Variants in SLURP2 observed in about 807,000 individuals in gnomAD.
SLURP2 encodes the protein secreted Ly-6/uPAR domain-containing protein 2.
A neutral mutation model predicts 9.8 loss-of-function variants in SLURP2; 4 were observed. The observed-to-expected ratio is 0.41, with a 90% CI of 0.20 to 0.94. SLURP2 has a LOEUF of 0.94. SLURP2 is among the 40% of genes least tolerant of loss of function. The pLI is 0.32. For missense variants in SLURP2, 118 were observed against 126.4 expected (o/e 0.93, Z 0.32); for synonymous variants, 58 against 56.2 (o/e 1.03, Z -0.15).
rs773017189 is a variant in SLURP2 at position 142,764,660 on chromosome 8, A to T, written c.239T>A (p.Leu80Gln). Reference protein sequence around the residue: ...IGCPDIPSLGLGPYVSIACCQ... With the variant: ...IGCPDIPSLGQGPYVSIACCQ... ...GCAAGCGATGGATACGTAGGGGCCC[A>T]GGCCCAGGCTGGGGATATCGGGGCA... is the stretch of plus-strand genomic sequence containing the variant. The change falls in exon 3 of 3, where the codon CTG (leucine) becomes CAG (glutamine). Residue 80 changes from leucine to glutamine, a missense_variant. Coordinates refer to ENST00000317543, the MANE Select transcript of SLURP2 (RefSeq NM_177458.3). The T allele has an allele frequency of 4.3e-6, 7 of 1,610,892 alleles. No homozygotes were observed. The highest frequency in any genetic ancestry group is 3.4e-6 in the Non-Finnish European group (4 of 1,179,052).
Position 142,768,868 on chromosome 8 carries a change from G to T in SLURP2, c.52+887C>A, listed in dbSNP as rs1034057261. Among the ~76,000 whole-genome samples, 1 of 152,112 alleles carries T rather than the reference G, an allele frequency of 6.6e-6. No individual in the cohort carries two copies. The highest frequency in any genetic ancestry group is 1.5e-5 in the Non-Finnish European group (1 of 68,004). ...GAGCCAGCGCCAGGGACTCACCGAC[G>T]CTCCACCCCCTGCTCATTCAGGGCC... On this transcript the variant is annotated intron_variant, in intron 1 of 2. Transcript: ENST00000317543. This position sits in a 1 kb window ranked among gnomAD's most constrained non-coding sequence, Gnocchi z 4.8.
chr8:142,764,938 CTTACTGGGTGCCTGGAT>C, intron 2 of SLURP2, 81 bp downstream of exon 2: 1 of 1,204,694 alleles, frequency 8.3e-7, no homozygotes. Flanking sequence ...ATGCTTCTGA[CTTACTGGGTGCCTGGAT>C]CTGGCTCTGT....
In SLURP2 at chr8:142,764,618, C is replaced by T; in HGVS notation, c.281G>A (p.Cys94Tyr). 2.5e-6 allele frequency: 4 copies of T among 1,605,842 alleles called. No individual in the cohort carries two copies. The South Asian group carries it at 4.4e-5, about 18-fold the overall frequency. Residue 94 changes from cysteine (C) to tyrosine (Y), a missense_variant, in exon 3 of 3, where the codon TGC (cysteine) becomes TAC (tyrosine). Physicochemically the swap from Cys to Tyr is radical, Grantham distance 194. Coordinates refer to ENST00000317543, the MANE Select transcript of SLURP2 (RefSeq NM_177458.3). ...VSIACCQTSL[C>Y]NHD is the part of the protein sequence containing the mutation. ...GGAGGGCAGCCGTCAGTCATGGTTG[C>T]AGAGGCTGGTCTGGCAGCAAGCGAT... is the stretch of plus-strand genomic sequence containing the variant.
chr8:142,764,531 C>T lies in SLURP2; in HGVS notation c.*74G>A, dbSNP rs587605463. The T allele has an allele frequency of 1.1e-4, 165 of 1,480,714 alleles. 4 individuals are homozygous for T. The highest frequency in any genetic ancestry group is 9.1e-5 in the Non-Finnish European group (98 of 1,081,706). The allele number at this position is 1,480,714 out of a possible 1,614,324, so 91.7% of individuals were successfully genotyped here. ...GGGCTGGCCAGTCTCGAGGGAGGGG[C>T]AGCTGTGAGCCCTGGCGCCAGGCTG... On this transcript the variant is annotated 3_prime_UTR_variant, in exon 3 of 3. Transcript: ENST00000317543.
At chr8:142,765,477 G>A (rs56033951) in intron 1 of SLURP2, among the ~76,000 whole-genome samples, 1 of 73,140 alleles carries the variant, frequency 1.4e-5, no homozygotes, top group African/African-American at 4.6e-5. Context: ...GTGGGGGGTG[G>A]GGAGGAGGTG....
At chr8:142,767,904 GAAT>G (rs1815053196) in intron 1 of SLURP2, among the ~76,000 whole-genome samples, 1 of 72,314 alleles carries the variant, frequency 1.4e-5, no homozygotes, top group African/African-American at 4.5e-5. Context: ...ATGAATAAAT[GAAT>G]GAATGAATGA....
At chr8:142,765,422 C>T (rs1814971178) in intron 1 of SLURP2, among the ~76,000 whole-genome samples, 1 of 151,308 alleles carries the variant, frequency 6.6e-6, no homozygotes, top group Non-Finnish European at 1.5e-5. Context: ...TGTGATGTCC[C>T]AGGGCAGTGG....
chr8:142,764,412 C>G lies in SLURP2; in HGVS notation c.*193G>C, dbSNP rs587670875. On this transcript the variant is annotated 3_prime_UTR_variant, in exon 3 of 3. Coordinates refer to ENST00000317543, the MANE Select transcript of SLURP2 (RefSeq NM_177458.3). ...AAGGGGCGGCAGGCACGATGGGCCCCAGGCTTGGACGGCAGCAGATTGAGG... is the reference window on the plus strand; with the variant it reads ...AAGGGGCGGCAGGCACGATGGGCCCGAGGCTTGGACGGCAGCAGATTGAGG... 23 of 699,938 alleles carry G rather than the reference C, an allele frequency of 3.3e-5. 1 individual carries two copies. In the Admixed American group the frequency reaches 5.3e-4, roughly 16 times the overall value. The allele number at this position is 699,938 out of a possible 1,614,324, so 43.4% of individuals were successfully genotyped here.
intron 2 of SLURP2, 83 bp downstream of exon 2, chr8:142,764,953 G>T: frequency 7.8e-7 from 1 of 1,280,222 alleles, no homozygotes; most frequent in Non-Finnish European, 1.1e-6. Context: ...TGGGTGCCTG[G>T]ATCTGGCTCT....
At chr8:142,769,176 G>A (rs1815093563) in intron 1 of SLURP2, among the ~76,000 whole-genome samples, 2 of 151,618 alleles carry the variant, frequency 1.3e-5, no homozygotes. Flanking sequence ...TGAAGCTGGG[G>A]GGACAGGGCC....
rs587715220 is a variant in SLURP2, at chr8:142,764,402, C to T, written c.*203G>A. ...TCGGGACCTGAAGGGGCGGCAGGCA[C>T]GATGGGCCCCAGGCTTGGACGGCAG... On this transcript the variant is annotated 3_prime_UTR_variant, in exon 3 of 3. Transcript: ENST00000317543. 15 of 680,428 alleles carry T rather than the reference C, an allele frequency of 2.2e-5. No homozygotes were observed. Among genetic ancestry groups the T allele is most frequent in the East Asian group, 5.4e-5 (2 of 36,806 alleles). 42.1% of individuals were successfully genotyped at this position (680,428 alleles called of 1,614,324 possible).
intron 1 of SLURP2, among the ~76,000 whole-genome samples, chr8:142,767,545 G>T (rs587682514): frequency 2.0e-5 from 3 of 152,318 alleles, no homozygotes; most frequent in African/African-American, 7.2e-5. Context: ...ACCAGCTCCA[G>T]CCTGTCCACT....
At position 142,768,210 on chromosome 8, in the gene SLURP2, G is replaced by A. The variant is rs1447385371; in HGVS notation, c.52+1545C>T. Among the ~76,000 whole-genome samples, 2 of 138,200 alleles carry A rather than the reference G, an allele frequency of 1.4e-5. No homozygotes were observed. Among genetic ancestry groups the A allele is most frequent in the Non-Finnish European group, 3.1e-5 (2 of 63,882 alleles). 90.7% of individuals were successfully genotyped at this position (138,200 alleles called of 152,430 possible). On this transcript the variant is annotated intron_variant, in intron 1 of 2. Transcript: ENST00000317543. This position sits in a 1 kb window ranked among gnomAD's most constrained non-coding sequence, Gnocchi z 4.8. ...GGAAGGGAAGGAGGGAGGAGGAATAGAGAGGAGGAGGGAGGTGGGGTGGGG... is the reference window on the plus strand; with the variant it reads ...GGAAGGGAAGGAGGGAGGAGGAATAAAGAGGAGGAGGGAGGTGGGGTGGGG...
At position 142,768,073 on chromosome 8, in the gene SLURP2, G is replaced by A. The variant is rs1815057103; in HGVS notation, c.52+1682C>T. On this transcript the variant is annotated intron_variant, in intron 1 of 2. Transcript: ENST00000317543. This position sits in a 1 kb window ranked among gnomAD's most constrained non-coding sequence, Gnocchi z 4.8. ...TCCAAACCGGAAAGGCTGCTCGATG[G>A]TGACTGTGAGGACACAGGGACAGTG... is the stretch of plus-strand genomic sequence containing the variant. Among the ~76,000 whole-genome samples, 1 of 151,766 alleles carries A rather than the reference G, an allele frequency of 6.6e-6. No homozygotes were observed. Among genetic ancestry groups the A allele is most frequent in the African/African-American group, 2.4e-5 (1 of 41,306 alleles).
rs751980684 is a variant in SLURP2 at position 142,765,104 on chromosome 8, C to G, written c.89G>C (p.Gly30Ala). The G allele has an allele frequency of 1.2e-6, 2 of 1,612,550 alleles. No individual in the cohort carries two copies. The highest frequency in any genetic ancestry group is 1.7e-6 in the Non-Finnish European group (2 of 1,179,720). ...GGATCCATGGGAGCACCCTCCGAAGCCCGTGCACTGGTGACACCATATGGC... is the reference window on the plus strand; with the variant it reads ...GGATCCATGGGAGCACCCTCCGAAGGCCGTGCACTGGTGACACCATATGGC... ...AEAIWCHQCTGFGGCSHGSRC... is the reference protein window; with the variant it reads ...AEAIWCHQCTAFGGCSHGSRC... The change falls in exon 2 of 3, where the codon GGC becomes GCC. Residue 30 changes from glycine (G) to alanine (A), a missense_variant. Physicochemically the swap from Gly to Ala is moderately conservative, Grantham distance 60 (BLOSUM62 0). Transcript: ENST00000317543.
At position 142,764,408 on chromosome 8, in the gene SLURP2, GC is replaced by G; in HGVS notation, c.*196del. The G allele has an allele frequency of 1.4e-6, 1 of 692,566 alleles. No homozygotes were observed. The highest frequency in any genetic ancestry group is 2.7e-5 in the East Asian group (1 of 36,924). The allele number at this position is 692,566 out of a possible 1,614,324, so 42.9% of individuals were successfully genotyped here. On this transcript the variant is annotated 3_prime_UTR_variant, in exon 3 of 3. Coordinates refer to ENST00000317543, the MANE Select transcript of SLURP2 (RefSeq NM_177458.3). ...CCTGAAGGGGCGGCAGGCACGATGGGCCCCAGGCTTGGACGGCAGCAGATTG... is the reference window on the plus strand; with the variant it reads ...CCTGAAGGGGCGGCAGGCACGATGGGCCCAGGCTTGGACGGCAGCAGATTG...
At chr8:142,765,480 A>C (rs13278757) in intron 1 of SLURP2, among the ~76,000 whole-genome samples, 2 of 69,748 alleles carry the variant, frequency 2.9e-5, no homozygotes, top group African/African-American at 4.6e-5. Context: ...GGGGGTGGGG[A>C]GGAGGTGGAG....
chr8:142,764,771 T>C (rs1178677093), intron 2 of SLURP2, 30 bp from the exon 3 acceptor site: 1 of 1,609,128 alleles, frequency 6.2e-7, no homozygotes, highest in African/African-American at 1.3e-5. Context: ...ACCATGGAGC[T>C]CCCTGAGGCT....
intron 1 of SLURP2, among the ~76,000 whole-genome samples, chr8:142,769,506 G>C (rs890432623): frequency 1.4e-5 from 2 of 145,134 alleles, no homozygotes; most frequent in Non-Finnish European, 3.0e-5. Flanking sequence ...GGCAGAGGAA[G>C]AGGGGGGTTT....
Sources: allele counts gnomAD v4.1 joint callset (sites outside exome capture counted in the v4.1 genomes callset), GRCh38; gene constraint gnomAD v4.1.1; non-coding constraint Gnocchi (gnomAD v3.1); transcripts MANE v1.5; gene names NCBI Gene and HGNC (gene_info 2026-07-23, HGNC 2026-07-21).